LPA: variants seen among roughly 807,000 people sequenced by gnomAD.
LPA encodes apolipoprotein(a).
Under a neutral mutation model 197.9 loss-of-function variants are expected in LPA, and 199 were observed. The observed-to-expected ratio is 1.01, with a 90% confidence interval of 0.90 to 1.13. The LOEUF (loss-of-function observed/expected upper bound fraction) is 1.13, where lower values mean the gene tolerates loss of function less well. Among genes scored for constraint, LPA ranks in the 50% most tolerant of loss-of-function variants. LPA has a pLI of 0.00. For missense variants in LPA, 1,853 were observed against 1,785.8 expected, an observed-to-expected ratio of 1.04 and a Z score of -0.68; for synonymous variants, 715 against 639.5, an observed-to-expected ratio of 1.12 and a Z score of -1.78.
chr6:160,549,541 C>T (rs1331740410), intron 30 of LPA, among the ~76,000 whole-genome samples: 1 of 152,210 alleles, frequency 6.6e-6, no homozygotes, highest in Non-Finnish European at 1.5e-5. Context: ...AAGATGATAT[C>T]ATTCCCAGGC....
At chr6:160,581,426 A>T (rs923624693) in intron 26 of LPA, among the ~76,000 whole-genome samples, 2 of 152,222 alleles carry the variant, frequency 1.3e-5, no homozygotes, top group East Asian at 3.9e-4. Flanking sequence ...CAGCTTCCTG[A>T]ATAGCTGGGA....
intron 18 of LPA, 117 bp downstream of exon 18, chr6:160,604,929 C>T: frequency 1.4e-6 from 2 of 1,469,132 alleles, no homozygotes; most frequent in Non-Finnish European, 1.9e-6. Context: ...AGACATTTTG[C>T]TATGCACTGT....
At chr6:160,555,141 T>G (rs1373929192) in intron 30 of LPA, among the ~76,000 whole-genome samples, 1 of 151,658 alleles carries the variant, frequency 6.6e-6, no homozygotes, top group Non-Finnish European at 1.5e-5. Context: ...AATTCTCATC[T>G]ACATTCTTGC....
rs891343693 is a variant in LPA at position 160,558,610 on chromosome 6, G to A, written c.4632-1039C>T. Among the ~76,000 whole-genome samples the A allele has an allele frequency of 2.0e-5, 3 of 152,262 alleles. No individual in the cohort carries two copies. In the East Asian group the frequency reaches 5.8e-4, roughly 29 times the overall value. On this transcript the variant is annotated intron_variant, in intron 28 of 38. Transcript: ENST00000316300. The stretch of plus-strand genomic sequence containing the variant: ...ATCCTCTGCTAGCGGCAGCCACTCC[G>A]AAACTGAGGGAATGGAGGATGAGAT...
rs543207421 is a variant in LPA at position 160,611,548 on chromosome 6, G to A, written c.2603+14C>T. The A allele has an allele frequency of 6.2e-7, 1 of 1,606,954 alleles. No individual in the cohort carries two copies. Among genetic ancestry groups the A allele is most frequent in the African/African-American group, 1.3e-5 (1 of 74,830 alleles). ...TGGCCCTTTATTCTCTTATGGTAAA[G>A]AACAAAGACATACGCATTTGGGTAG... On this transcript the variant is annotated intron_variant, in intron 16 of 38. Transcript: ENST00000316300.
At chr6:160,608,094 A>T (rs550405823) in intron 16 of LPA, among the ~76,000 whole-genome samples, 2 of 152,178 alleles carry the variant, frequency 1.3e-5, no homozygotes, top group Non-Finnish European at 2.9e-5. Flanking sequence ...GTCAACGCTC[A>T]TTTAAAAATA....
intron 7 of LPA, 152 bp downstream of exon 7, chr6:160,634,971 C>G: frequency 4.7e-6 from 7 of 1,495,944 alleles, no homozygotes; most frequent in Non-Finnish European, 6.4e-6. Context: ...CTGGCTCCCC[C>G]AGAGAGTACA....
At chr6:160,610,606 A>C (rs6919497) in intron 16 of LPA, among the ~76,000 whole-genome samples, 3 of 151,904 alleles carry the variant, frequency 2.0e-5, no homozygotes, top group African/African-American at 7.3e-5. Flanking sequence ...TGTGAGGCCA[A>C]CTACTGGAGG....
intron 30 of LPA, among the ~76,000 whole-genome samples, chr6:160,553,963 G>GCA (rs1554231718): frequency 1.5e-4 from 23 of 150,110 alleles, no homozygotes; most frequent in South Asian, 8.4e-4. Flanking sequence ...GTGCGCGCGC[G>GCA]CGCGTGTGCG....
chr6:160,647,275 G>A (rs1173798833), intron 2 of LPA, among the ~76,000 whole-genome samples: 2 of 152,184 alleles, frequency 1.3e-5, no homozygotes, highest in African/African-American at 2.4e-5. Flanking sequence ...CAATGAATTA[G>A]GAGGCAAAGC....
At chr6:160,647,101 C>T (rs1019042738) in intron 2 of LPA, among the ~76,000 whole-genome samples, 2 of 152,204 alleles carry the variant, frequency 1.3e-5, no homozygotes, top group African/African-American at 4.8e-5. Flanking sequence ...GAATGGGTTC[C>T]TGGGCAGGAC....
At chr6:160,584,943 T>C in intron 26 of LPA, 103 bp downstream of exon 26, 1 of 1,203,568 alleles carries the variant, frequency 8.3e-7, no homozygotes, top group Non-Finnish European at 1.2e-6. Context: ...AAACTCTGAG[T>C]CTATGAGAAA....
At chr6:160,647,423 CA>C (rs1266542835) in intron 2 of LPA, among the ~76,000 whole-genome samples, 1 of 152,116 alleles carries the variant, frequency 6.6e-6, no homozygotes, top group African/African-American at 2.4e-5. Context: ...TATTATGGGC[CA>C]TGGGGATCCA....
chr6:160,584,321 T>A (rs1162916361), intron 26 of LPA, among the ~76,000 whole-genome samples: 1 of 141,122 alleles, frequency 7.1e-6, no homozygotes, highest in Non-Finnish European at 1.5e-5. Flanking sequence ...CTTCTTCTTT[T>A]CTTCTTCTTC....
rs1211014575 is a variant in LPA at position 160,548,580 on chromosome 6, A to G, written c.5053T>C (p.Trp1685Arg). The G allele has an allele frequency of 6.2e-7, 1 of 1,613,920 alleles. No individual in the cohort carries two copies. The change falls in exon 31 of 39, where the codon TGG becomes CGG. Residue 1685 changes from tryptophan to arginine, a missense_variant. Trp to Arg is a moderately radical substitution (Grantham distance 101). This residue lies in a region of LPA where 1,737 missense variants were observed against 1,504.4 expected (regional missense o/e 1.15). Coordinates refer to ENST00000316300, the MANE Select transcript of LPA (RefSeq NM_005577.4). ...WCFTMDPSIR[W>R]EYCNLTRCSD... ...CATCGCGTCAGGTTGCAGTACTCCC[A>G]CCTGATGCTGGGGTCCATGGTAAAA...
chr6:160,559,048 T>G lies in LPA; in HGVS notation c.4632-1477A>C, dbSNP rs1023950506. On this transcript the variant is annotated intron_variant, in intron 28 of 38. Coordinates refer to ENST00000316300, the MANE Select transcript of LPA (RefSeq NM_005577.4). ...AGATATACTTTCCCACAGAGTGAGA[T>G]GCACAGATCTGCAATGTTGTTTTTT... Among the ~76,000 whole-genome samples, 12 of 152,214 alleles carry G rather than the reference T, an allele frequency of 7.9e-5. 1 individual carries two copies. The highest frequency in any genetic ancestry group is 2.9e-4 in the African/African-American group (12 of 41,458).
intron 30 of LPA, among the ~76,000 whole-genome samples, chr6:160,553,339 T>C (rs1039349944): frequency 6.6e-6 from 1 of 152,234 alleles, no homozygotes; most frequent in Non-Finnish European, 1.5e-5. Context: ...CCTGAATAAC[T>C]TTCCTTAAAA....
In LPA at chr6:160,593,998, G is replaced by A; in HGVS notation, c.3589C>T (p.Pro1197Ser). ...TCTGTTGTCCTCTGATGCCAGTGTG[G>A]TGTCATAGAGGACCAAGACTGACAT... ...RTCQSWSSMTPHWHQRTTEYY... is the reference protein window; with the variant it reads ...RTCQSWSSMTSHWHQRTTEYY... Residue 1197 changes from proline to serine, a missense_variant, in exon 22 of 39, where the codon CCA becomes TCA. Transcript: ENST00000316300. 2.5e-6 allele frequency: 4 copies of A among 1,613,946 alleles called. No homozygotes were observed. The highest frequency in any genetic ancestry group is 3.4e-6 in the Non-Finnish European group (4 of 1,179,864).
intron 8 of LPA, among the ~76,000 whole-genome samples, chr6:160,631,991 A>AGATTGT (rs1554240940): frequency 4.5e-4 from 59 of 131,218 alleles, no homozygotes; most frequent in Non-Finnish European, 7.2e-4. Context: ...GTGTGTTTTC[A>AGATTGT]GTGTGTGTGT....
Sources: gnomAD v4.1 joint callset for allele counts (sites outside exome capture counted in the v4.1 genomes callset) on GRCh38, gnomAD v4.1.1 for gene constraint, gnomAD v4.1.1 regional missense constraint, MANE v1.5 for transcripts, NCBI Gene and HGNC (gene_info 2026-07-23, HGNC 2026-07-21) for gene names.